The following PIK3C3 variants were observed in gnomAD, a reference collection of about 807,000 sequenced individuals.
The protein encoded by PIK3C3 is PI3-kinase type 3.
A neutral mutation model predicts 126.1 loss-of-function variants in PIK3C3; 95 were observed. The ratio of observed to expected loss-of-function variants is 0.75; its 90% CI spans 0.64 to 0.89. The LOEUF (loss-of-function observed/expected upper bound fraction) is 0.89. Ranked by LOEUF, PIK3C3 falls within the 40% of genes least tolerant of loss-of-function variation. The pLI, the probability that PIK3C3 is intolerant of heterozygous loss-of-function variation, is 0.00. For missense variants in PIK3C3, 829 were observed against 1,063.2 expected (o/e 0.78, Z 3.06); for synonymous variants, 374 against 360.0 (o/e 1.04, Z -0.44).
chr18:41,988,011 A>G (rs1981582099), intron 5 of PIK3C3, 113 bp downstream of exon 5: 2 of 612,864 alleles, frequency 3.3e-6, no homozygotes, highest in Non-Finnish European at 5.5e-6. Context: ...ATCAGGGTTA[A>G]CCCCTGTAGC....
chr18:41,996,400 C>T (rs1009281267), intron 8 of PIK3C3, among the ~76,000 whole-genome samples: 9 of 152,090 alleles, frequency 5.9e-5, no homozygotes, highest in Admixed American at 2.6e-4. Flanking sequence ...AATGAACTCT[C>T]CAGTTAAATA....
At chr18:42,046,769 G>T (rs1178852222) in intron 20 of PIK3C3, among the ~76,000 whole-genome samples, 4 of 152,030 alleles carry the variant, frequency 2.6e-5, no homozygotes, top group African/African-American at 7.2e-5. Flanking sequence ...TTTTCAGGAT[G>T]TAGCCTTGTT....
chr18:41,965,383 T>C (rs543886189), intron 3 of PIK3C3, among the ~76,000 whole-genome samples: 1 of 152,220 alleles, frequency 6.6e-6, no homozygotes, highest in African/African-American at 2.4e-5. Flanking sequence ...ACAGATGCAG[T>C]GAAATGAACT....
chr18:41,983,356 CTT>C (rs1015141998), intron 4 of PIK3C3, among the ~76,000 whole-genome samples: 2 of 146,162 alleles, frequency 1.4e-5, no homozygotes, highest in African/African-American at 2.5e-5. Flanking sequence ...GGGCAGGAAT[CTT>C]TTTTTTTTTT....
intron 24 of PIK3C3, among the ~76,000 whole-genome samples, chr18:42,080,846 T>A (rs1284382119): frequency 6.6e-6 from 1 of 152,192 alleles, no homozygotes; most frequent in Non-Finnish European, 1.5e-5. Context: ...CTGGATGAGA[T>A]GATTTTTGCT....
chr18:42,027,356 A>G (rs150692002), intron 13 of PIK3C3, 87 bp from the exon 14 acceptor site: 4 of 601,904 alleles, frequency 6.6e-6, no homozygotes, highest in African/African-American at 5.8e-5. Flanking sequence ...ATGTAAATTA[A>G]TCTGTTTTAG....
intron 17 of PIK3C3, 74 bp downstream of exon 17, chr18:42,037,894 T>G: frequency 7.4e-7 from 1 of 1,343,170 alleles, no homozygotes; most frequent in East Asian, 2.3e-5. Flanking sequence ...ATTTGCTGTT[T>G]ATGGAACAGA....
intron 4 of PIK3C3, among the ~76,000 whole-genome samples, chr18:41,985,419 A>G (rs1007272923): frequency 2.0e-5 from 3 of 152,160 alleles, no homozygotes; most frequent in Non-Finnish European, 4.4e-5. Flanking sequence ...GTCAATCTCA[A>G]AGTCAGGTAC....
intron 21 of PIK3C3, among the ~76,000 whole-genome samples, chr18:42,055,371 G>A (rs1985018424): frequency 6.6e-6 from 1 of 152,080 alleles, no homozygotes; most frequent in Non-Finnish European, 1.5e-5. Context: ...CAAGTATATT[G>A]TAAGGGTTTA....
At chr18:42,002,456 G>C (rs1982333976) in intron 9 of PIK3C3, among the ~76,000 whole-genome samples, 1 of 152,094 alleles carries the variant, frequency 6.6e-6, no homozygotes, top group Admixed American at 6.6e-5. Flanking sequence ...ATATTGGAAA[G>C]GTTGTCCACA....
Position 42,038,838 on chromosome 18 carries a change from A to G in PIK3C3, c.2026A>G (p.Ser676Gly). 1 of 1,589,376 alleles carries G rather than the reference A, an allele frequency of 6.3e-7. No individual in the cohort carries two copies. Among genetic ancestry groups the G allele is most frequent in the Non-Finnish European group, 8.6e-7 (1 of 1,159,242 alleles). ...GACACCTTATAAGGTGTTAGCCACC[A>G]GTACAAAACATGGTAAGTGTATTTT... ...KLTPYKVLATSTKHGFMQFIQ... is the reference protein window; with the variant it reads ...KLTPYKVLATGTKHGFMQFIQ... Residue 676 changes from serine to glycine, a missense_variant, in exon 18 of 25, where the codon AGT becomes GGT. Ser to Gly is a moderately conservative substitution (Grantham distance 56). Transcript: ENST00000262039.
intron 12 of PIK3C3, among the ~76,000 whole-genome samples, chr18:42,018,305 A>T (rs987275233): frequency 5.9e-5 from 9 of 152,038 alleles, no homozygotes; most frequent in African/African-American, 2.2e-4. Flanking sequence ...ACAGTTTTTT[A>T]AATTCAACTT....
chr18:41,994,477 T>C (rs891982178), intron 7 of PIK3C3, among the ~76,000 whole-genome samples: 9 of 152,142 alleles, frequency 5.9e-5, no homozygotes, highest in African/African-American at 2.2e-4. Flanking sequence ...GATATACAGC[T>C]GTATCTGACA....
In PIK3C3 at chr18:42,013,583, G is replaced by A. The variant is rs750966986; in HGVS notation, c.1312G>A (p.Ala438Thr). ...ENVSNSGINS[A>T]EIDSSQIITS... Reference sequence around the variant, plus strand: ...TGTGTCAAATTCTGGAATAAATTCTGCAGAAATAGATAGGTATGGATATCC... The same window carrying A: ...TGTGTCAAATTCTGGAATAAATTCTACAGAAATAGATAGGTATGGATATCC... Residue 438 changes from alanine (A) to threonine (T), a missense_variant, in exon 11 of 25, where the codon GCA (alanine) becomes ACA (threonine). By Grantham distance (58) the Ala-to-Thr change is moderately conservative. Coordinates refer to ENST00000262039, the MANE Select transcript of PIK3C3 (RefSeq NM_002647.4). The A allele has an allele frequency of 1.2e-6, 2 of 1,600,474 alleles. No homozygotes were observed. The highest frequency in any genetic ancestry group is 1.7e-6 in the Non-Finnish European group (2 of 1,172,678).
intron 14 of PIK3C3, among the ~76,000 whole-genome samples, 188 bp from the exon 15 acceptor site, chr18:42,029,137 G>A (rs1983704974): frequency 6.6e-6 from 1 of 152,160 alleles, no homozygotes; most frequent in Non-Finnish European, 1.5e-5. Flanking sequence ...GATTGTGGAT[G>A]GATTAGTGGT....
intron 4 of PIK3C3, among the ~76,000 whole-genome samples, chr18:41,982,934 A>G (rs1981280145): frequency 6.6e-6 from 1 of 152,210 alleles, no homozygotes; most frequent in Admixed American, 6.5e-5. Context: ...TGCATAGTGT[A>G]GATAAGTCAT....
intron 13 of PIK3C3, chr18:42,025,320 G>C (rs561148471): frequency 6.6e-6 from 1 of 152,310 alleles, no homozygotes; most frequent in East Asian, 1.9e-4. Flanking sequence ...GAAGGGGATG[G>C]CTTGGATTTG....
chr18:42,054,152 A>G (rs1386407169), intron 21 of PIK3C3, among the ~76,000 whole-genome samples: 3 of 29,812 alleles, frequency 1.0e-4, no homozygotes, highest in East Asian at 9.1e-4. Flanking sequence ...ATATATATAT[A>G]TATATATATA....
Position 42,028,932 on chromosome 18 carries a change from A to G in PIK3C3, c.1591-393A>G, listed in dbSNP as rs140111107. On this transcript the variant is annotated intron_variant, in intron 14 of 24. Transcript: ENST00000262039. ...TTGATTTTTAGTTCCTTGAAGATCT[A>G]TATCTTTGTTTCTGCCATATACATG... Among the ~76,000 whole-genome samples the G allele has an allele frequency of 2.3e-3, 350 of 152,286 alleles. 1 individual carries two copies. The highest frequency in any genetic ancestry group is 7.7e-3 in the African/African-American group (320 of 41,566).
Sources: gnomAD v4.1 joint callset for allele counts (sites outside exome capture counted in the v4.1 genomes callset) on GRCh38, gnomAD v4.1.1 for gene constraint, MANE v1.5 for transcripts, NCBI Gene and HGNC (gene_info 2026-07-23, HGNC 2026-07-21) for gene names.